Variants in HECW2 observed in about 807,000 individuals in gnomAD.
The protein encoded by HECW2 is E3 ubiquitin-protein ligase HECW2.
A neutral mutation model predicts 175.2 loss-of-function variants in HECW2; 61 were observed. That is an observed-to-expected ratio of 0.35 (90% CI 0.28 to 0.43). The LOEUF (loss-of-function observed/expected upper bound fraction) is 0.43, where lower values mean the gene tolerates loss of function less well. Ranked by LOEUF, HECW2 falls within the 20% of genes least tolerant of loss-of-function variation. The pLI is 1.00. For missense variants in HECW2, 1,524 were observed against 2,000.5 expected (o/e 0.76, Z 4.54); for synonymous variants, 671 against 731.0 (o/e 0.92, Z 1.32).
intron 1 of HECW2, among the ~76,000 whole-genome samples, chr2:196,526,045 T>G (rs1314628601): frequency 2.8e-5 from 2 of 70,980 alleles, no homozygotes; most frequent in Admixed American, 3.6e-4. Context: ...ATTGGGGAAG[T>G]TCTCCTGGAT....
intron 21 of HECW2, among the ~76,000 whole-genome samples, chr2:196,231,092 CAAAAA>C (rs10653412): frequency 1.8e-5 from 1 of 55,338 alleles, no homozygotes; most frequent in African/African-American, 8.6e-5. Flanking sequence ...GACTCCGTCT[CAAAAA>C]AAAAAAAAAA....
In HECW2 at chr2:196,319,439, T is replaced by C. The variant is rs1029612942; in HGVS notation, c.1451A>G (p.Glu484Gly). ...QDLGYPSSLE[E>G]EGGLIMFSRA... The stretch of plus-strand genomic sequence containing the variant: ...GCTAAACATGATCAGGCCTCCCTCC[T>C]CCTCCAAGGAAGATGGGTAACCCAG... Residue 484 changes from glutamate to glycine, a missense_variant, in exon 9 of 29, where the codon GAG (glutamate) becomes GGG (glycine). Physicochemically the swap from Glu to Gly is moderately conservative, Grantham distance 98. This residue lies in a region of HECW2 where 604 missense variants were observed against 588.3 expected (regional missense o/e 1.03). Transcript: ENST00000644978. 1 of 1,613,910 alleles carries C rather than the reference T, an allele frequency of 6.2e-7. No homozygotes were observed. The highest frequency in any genetic ancestry group is 1.3e-5 in the African/African-American group (1 of 75,048).
chr2:196,289,757 T>A (rs1476210726), intron 14 of HECW2: 1 of 152,128 alleles, frequency 6.6e-6, no homozygotes, highest in Non-Finnish European at 1.5e-5. Flanking sequence ...ATTCCAGGGT[T>A]GACAGAAAAC....
chr2:196,519,080 G>A (rs1455191935), intron 1 of HECW2, among the ~76,000 whole-genome samples: 2 of 152,206 alleles, frequency 1.3e-5, no homozygotes, highest in Non-Finnish European at 2.9e-5. Flanking sequence ...TAGCATATGT[G>A]TAAGTGCTTT....
chr2:196,429,276 C>A (rs1407481237), intron 2 of HECW2, among the ~76,000 whole-genome samples: 2 of 152,126 alleles, frequency 1.3e-5, no homozygotes, highest in East Asian at 3.8e-4. Context: ...TAAGGACTTA[C>A]TGCTCACAAT....
At chr2:196,568,563 T>C (rs965850364) in intron 1 of HECW2, among the ~76,000 whole-genome samples, 1 of 152,180 alleles carries the variant, frequency 6.6e-6, no homozygotes, top group Non-Finnish European at 1.5e-5. Flanking sequence ...AACCATGGTT[T>C]GACTTACAAT....
At chr2:196,542,811 A>G (rs903300789) in intron 1 of HECW2, among the ~76,000 whole-genome samples, 1 of 149,978 alleles carries the variant, frequency 6.7e-6, no homozygotes, top group South Asian at 2.1e-4. Context: ...AGAGAAAGAC[A>G]TATCTATATA....
At chr2:196,331,654 T>G (rs1345167911) in intron 4 of HECW2, among the ~76,000 whole-genome samples, 1 of 152,248 alleles carries the variant, frequency 6.6e-6, no homozygotes, top group Non-Finnish European at 1.5e-5. Context: ...ATTCTCATTT[T>G]TCAAATGTAA....
At chr2:196,446,367 A>C (rs2125299432) in intron 1 of HECW2, among the ~76,000 whole-genome samples, 1 of 151,998 alleles carries the variant, frequency 6.6e-6, no homozygotes, top group African/African-American at 2.4e-5. Context: ...TTCCTGCTTT[A>C]TTTTTCTCCT....
intron 21 of HECW2, among the ~76,000 whole-genome samples, chr2:196,231,450 G>A (rs1330372717): frequency 6.6e-6 from 1 of 152,176 alleles, no homozygotes; most frequent in African/African-American, 2.4e-5. Context: ...AGTAGCGGTT[G>A]GCAAACCTGC....
intron 2 of HECW2, among the ~76,000 whole-genome samples, chr2:196,371,761 A>T (rs1196857038): frequency 6.6e-6 from 1 of 152,240 alleles, no homozygotes; most frequent in Non-Finnish European, 1.5e-5. Context: ...ACAGAGAAGA[A>T]CCGGCCTTCT....
intron 7 of HECW2, 127 bp from the exon 8 acceptor site, chr2:196,320,566 G>A: frequency 1.7e-6 from 1 of 580,860 alleles, no homozygotes; most frequent in Non-Finnish European, 3.2e-6. Flanking sequence ...GAACATTAAA[G>A]GCTCAAAGCC....
intron 14 of HECW2, among the ~76,000 whole-genome samples, chr2:196,281,482 T>A (rs1316831811): frequency 1.3e-5 from 2 of 151,106 alleles, no homozygotes; most frequent in African/African-American, 4.9e-5. Context: ...TACAAAATAT[T>A]CAAAAATTAT....
At chr2:196,336,209 G>T (rs1186756228) in intron 3 of HECW2, among the ~76,000 whole-genome samples, 1 of 152,176 alleles carries the variant, frequency 6.6e-6, no homozygotes, top group South Asian at 2.1e-4. Flanking sequence ...TTCTGCAAAT[G>T]ACTTTCCTGA....
At chr2:196,519,101 C>T (rs1688252996) in intron 1 of HECW2, among the ~76,000 whole-genome samples, 1 of 152,198 alleles carries the variant, frequency 6.6e-6, no homozygotes. Context: ...ACATAGACCA[C>T]CTCAGCTCAT....
chr2:196,484,420 C>T (rs759634341), intron 1 of HECW2, among the ~76,000 whole-genome samples: 1 of 152,192 alleles, frequency 6.6e-6, no homozygotes, highest in Non-Finnish European at 1.5e-5. Context: ...CACAATCTCT[C>T]TCAGGTTGCT....
chr2:196,526,462 CCTT>C (rs1363924430), intron 1 of HECW2, among the ~76,000 whole-genome samples: 7 of 151,732 alleles, frequency 4.6e-5, no homozygotes, highest in African/African-American at 1.7e-4. Context: ...TCGTCTGAAG[CCTT>C]CTTCTCTCAG....
At chr2:196,442,772 A>G (rs1388235555) in intron 1 of HECW2, among the ~76,000 whole-genome samples, 13 of 152,228 alleles carry the variant, frequency 8.5e-5, no homozygotes, top group South Asian at 2.1e-4. Context: ...CAGTGGGATT[A>G]CAATTGTTTT....
At chr2:196,229,502 C>A (rs1460279195) in intron 21 of HECW2, among the ~76,000 whole-genome samples, 3 of 151,970 alleles carry the variant, frequency 2.0e-5, no homozygotes, top group African/African-American at 7.3e-5. Flanking sequence ...CACAGTGAGA[C>A]CCCCGTCTCT....
Sources: gnomAD v4.1 joint callset for allele counts (sites outside exome capture counted in the v4.1 genomes callset) on GRCh38, gnomAD v4.1.1 for gene constraint, gnomAD v4.1.1 regional missense constraint, MANE v1.5 for transcripts, NCBI Gene and HGNC (gene_info 2026-07-23, HGNC 2026-07-21) for gene names.